Variants in ATE1 observed in about 807,000 individuals in gnomAD.
ATE1 encodes the protein arginyl-tRNA--protein transferase 1.
In ATE1, 36 loss-of-function variants were observed where a neutral mutation model predicts 70.5. The observed-to-expected ratio is 0.51, with a 90% CI of 0.39 to 0.67. ATE1 has a LOEUF of 0.67. Among genes scored for constraint, ATE1 ranks in the 30% least tolerant of loss-of-function variants. The pLI, the probability that ATE1 is intolerant of heterozygous loss-of-function variation, is 0.00. For synonymous variants in ATE1, 232 were observed against 219.3 expected (o/e 1.06, Z -0.51); for missense variants, 593 against 629.5 (o/e 0.94, Z 0.62).
Position 121,819,812 on chromosome 10 carries a change from C to A in ATE1, c.1257+16906G>T, listed in dbSNP as rs543125674. ...GTAACCAAATACCAGCTGTTCCCCGCCCCCCAACAAAAACCTATTAAAATT... is the reference window on the plus strand; with the variant it reads ...GTAACCAAATACCAGCTGTTCCCCGACCCCCAACAAAAACCTATTAAAATT... On this transcript the variant is annotated intron_variant, in intron 10 of 11. Transcript: ENST00000224652. Among the ~76,000 whole-genome samples the A allele has an allele frequency of 7.9e-5, 12 of 151,780 alleles. No individual in the cohort carries two copies. The East Asian group carries it at 1.9e-3, about 25-fold the overall frequency.
chr10:121,780,396 T>C (rs763765981), intron 11 of ATE1, among the ~76,000 whole-genome samples: 1 of 152,172 alleles, frequency 6.6e-6, no homozygotes, highest in African/African-American at 2.4e-5. Flanking sequence ...TTTGCATCCA[T>C]CCATTTCCTC....
At chr10:121,928,438 C>T (rs1590755699), upstream of ATE1, 2 of 1,518,078 alleles carry the variant, frequency 1.3e-6, no homozygotes, top group Non-Finnish European at 1.8e-6. Context: ...CCATGGCCGC[C>T]GCGAGGGTCC....
At chr10:121,887,165 C>T (rs995516127) in intron 7 of ATE1, among the ~76,000 whole-genome samples, 2 of 116,620 alleles carry the variant, frequency 1.7e-5, no homozygotes, top group Non-Finnish European at 3.7e-5. Context: ...GATGAAAGAG[C>T]AAAGGGTTCT....
chr10:121,914,956 C>A (rs1178157207), intron 3 of ATE1, among the ~76,000 whole-genome samples: 2 of 152,154 alleles, frequency 1.3e-5, no homozygotes, highest in African/African-American at 4.8e-5. Context: ...CCAGATCACC[C>A]ACAGTAAACA....
intron 11 of ATE1, among the ~76,000 whole-genome samples, chr10:121,763,923 A>G (rs908397473): frequency 4.6e-5 from 7 of 152,232 alleles, no homozygotes; most frequent in African/African-American, 1.4e-4. Flanking sequence ...CTGAGGCACA[A>G]GAATTGCTTG....
chr10:121,893,284 A>AG (rs77767169), intron 7 of ATE1, among the ~76,000 whole-genome samples: 19,708 of 149,554 alleles, frequency 0.13, 1,535 homozygotes, highest in East Asian at 0.18. Context: ...CTCAAAAAAA[A>AG]AAAAAAAAAC....
chr10:121,841,201 A>C lies in ATE1; in HGVS notation c.1038T>G (p.Leu346=). 6.3e-7 allele frequency: 1 copy of C among 1,582,722 alleles called. No homozygotes were observed. Among genetic ancestry groups the C allele is most frequent in the African/African-American group, 1.3e-5 (1 of 74,486 alleles). Residue 346 remains leucine, a synonymous_variant, in exon 9 of 12, where the codon CTT becomes CTG. Coordinates refer to ENST00000224652, the MANE Select transcript of ATE1 (RefSeq NM_001001976.3). ...CCCCCACAGCAATGATCTTTCCGTC[A>C]AGCCAGTACTGCTGGTGAAAGGAGC... ...GYGSFHQQYW[L]DGKIIAVGVI... is the part of the protein sequence containing the mutation.
chr10:121,910,879 T>C (rs1278977890), intron 5 of ATE1, 27 bp downstream of exon 5: 1 of 1,612,688 alleles, frequency 6.2e-7, no homozygotes. Context: ...GCCGTGAATA[T>C]GACTTGGTAT....
chr10:121,888,950 A>C (rs2047082474), intron 7 of ATE1, among the ~76,000 whole-genome samples: 1 of 152,178 alleles, frequency 6.6e-6, no homozygotes, highest in South Asian at 2.1e-4. Flanking sequence ...CAAGTCAAGA[A>C]AATACCGGTA....
chr10:121,787,316 T>A (rs1202593542), intron 11 of ATE1, among the ~76,000 whole-genome samples: 1 of 152,248 alleles, frequency 6.6e-6, no homozygotes, highest in Non-Finnish European at 1.5e-5. Flanking sequence ...AGTCAAAGTT[T>A]GGGTCATGTA....
intron 11 of ATE1, among the ~76,000 whole-genome samples, chr10:121,750,354 G>C (rs1944530606): frequency 6.6e-6 from 1 of 152,288 alleles, no homozygotes; most frequent in South Asian, 2.1e-4. Flanking sequence ...GTTCCAACTA[G>C]AACTTCTTCC....
rs1016430012 is a variant in ATE1 at position 121,844,855 on chromosome 10, C to A, written c.976-3592G>T. 2.6e-5 allele frequency among the ~76,000 whole-genome samples: 4 copies of A among 151,940 alleles called. No individual in the cohort carries two copies. In the South Asian group the frequency reaches 6.3e-4, roughly 24 times the overall value. ...TATCCTGCACGATTCCAATTATAGG[C>A]ATGTCTCATTTAATTGCACTTTGTT... On this transcript the variant is annotated intron_variant, in intron 8 of 11. Coordinates refer to ENST00000224652, the MANE Select transcript of ATE1 (RefSeq NM_001001976.3).
chr10:121,761,348 C>A (rs1478855715), intron 11 of ATE1, among the ~76,000 whole-genome samples: 2 of 152,242 alleles, frequency 1.3e-5, no homozygotes, highest in Non-Finnish European at 2.9e-5. Flanking sequence ...TAGTCAGCAG[C>A]TGTCAACATC....
intron 3 of ATE1, among the ~76,000 whole-genome samples, chr10:121,918,886 T>C (rs189262246): frequency 2.2e-4 from 34 of 152,146 alleles, no homozygotes; most frequent in Non-Finnish European, 3.7e-4. Context: ...GTAGCTAGGA[T>C]TGTAAAACGC....
chr10:121,871,313 G>A (rs925344752), intron 7 of ATE1, among the ~76,000 whole-genome samples: 1 of 152,068 alleles, frequency 6.6e-6, no homozygotes, highest in Non-Finnish European at 1.5e-5. Context: ...ACAAAAATTA[G>A]CTGTGTGTGG....
At chr10:121,874,671 A>G (rs974864387) in intron 7 of ATE1, among the ~76,000 whole-genome samples, 7 of 152,204 alleles carry the variant, frequency 4.6e-5, no homozygotes, top group Non-Finnish European at 1.0e-4. Context: ...TCTTCTGATT[A>G]CATTTGGCAC....
chr10:121,890,027 C>T (rs188336163), intron 7 of ATE1, among the ~76,000 whole-genome samples: 39 of 152,206 alleles, frequency 2.6e-4, no homozygotes, highest in African/African-American at 9.4e-4. Context: ...ATAAAGTAAA[C>T]CTAACAAAGT....
chr10:121,766,918 A>C (rs951786060), intron 11 of ATE1, among the ~76,000 whole-genome samples: 1 of 152,214 alleles, frequency 6.6e-6, no homozygotes, highest in Non-Finnish European at 1.5e-5. Flanking sequence ...CATTCCACAC[A>C]ATCCCTTTCG....
chr10:121,867,501 C>A (rs1156757819), intron 8 of ATE1, among the ~76,000 whole-genome samples: 1 of 152,162 alleles, frequency 6.6e-6, no homozygotes, highest in Admixed American at 6.5e-5. Context: ...TTCCTGCCAG[C>A]CCCTTTTTCC....
Sources: gnomAD v4.1 joint callset for allele counts (sites outside exome capture counted in the v4.1 genomes callset) on GRCh38, gnomAD v4.1.1 for gene constraint, MANE v1.5 for transcripts, NCBI Gene and HGNC (gene_info 2026-07-23, HGNC 2026-07-21) for gene names.